The following MAPK8 variants were observed in gnomAD, a reference collection of about 807,000 sequenced individuals.
The protein encoded by MAPK8 is JUN N-terminal kinase.
A neutral mutation model predicts 52.9 loss-of-function variants in MAPK8; 13 were observed. The ratio of observed to expected loss-of-function variants is 0.25; its 90% CI spans 0.16 to 0.39. MAPK8 has a LOEUF of 0.39. MAPK8 is among the 10% of genes least tolerant of loss of function. The pLI, the probability that MAPK8 is intolerant of heterozygous loss-of-function variation, is 1.00. For synonymous variants in MAPK8, 191 were observed against 169.8 expected, an observed-to-expected ratio of 1.12 and a Z score of -0.97; for missense variants, 300 against 519.2, an observed-to-expected ratio of 0.58 and a Z score of 4.10.
intron 11 of MAPK8, among the ~76,000 whole-genome samples, chr10:48,432,296 T>A (rs1003285090): frequency 6.6e-6 from 1 of 152,226 alleles, no homozygotes; most frequent in Non-Finnish European, 1.5e-5. Flanking sequence ...TTTTAAACTA[T>A]AGCGACATTG....
intron 1 of MAPK8, among the ~76,000 whole-genome samples, chr10:48,394,449 A>C (rs2041788193): frequency 6.6e-6 from 1 of 151,920 alleles, no homozygotes; most frequent in Non-Finnish European, 1.5e-5. Flanking sequence ...TTTGAAAATC[A>C]ATCAGTGTAA....
chr10:48,397,610 A>T (rs926283676), intron 1 of MAPK8, among the ~76,000 whole-genome samples: 1 of 151,826 alleles, frequency 6.6e-6, no homozygotes, highest in East Asian at 1.9e-4. Flanking sequence ...TCTTTTTTTG[A>T]GACAGAGTCT....
At chr10:48,383,928 C>A (rs1371357485) in intron 1 of MAPK8, among the ~76,000 whole-genome samples, 2 of 152,126 alleles carry the variant, frequency 1.3e-5, no homozygotes, top group Non-Finnish European at 2.9e-5. Flanking sequence ...GAGCTGAAAT[C>A]CAAGGAAGAA....
intron 1 of MAPK8, among the ~76,000 whole-genome samples, chr10:48,384,108 C>T (rs1430805796): frequency 6.6e-6 from 1 of 152,122 alleles, no homozygotes; most frequent in Non-Finnish European, 1.5e-5. Context: ...AAAAATTAGC[C>T]AGGTGTGGTA....
At chr10:48,373,667 A>G (rs1183676950) in intron 1 of MAPK8, among the ~76,000 whole-genome samples, 2 of 151,548 alleles carry the variant, frequency 1.3e-5, no homozygotes, top group Non-Finnish European at 2.9e-5. Flanking sequence ...AGGGCATTAC[A>G]TAATGGGAAA....
In MAPK8 at chr10:48,366,378, G is replaced by A. The variant is rs1356356202; in HGVS notation, c.-49-35234G>A. ...TACTACCACTTACAACTGGTGAGCT[G>A]TTCTAATAACAGGGAAAAATAGGAA... On this transcript the variant is annotated intron_variant, in intron 1 of 11. Coordinates refer to ENST00000374189, the MANE Select transcript of MAPK8 (RefSeq NM_001323329.2). 9.2e-5 allele frequency among the ~76,000 whole-genome samples: 14 copies of A among 152,254 alleles called. No homozygotes were observed. The East Asian group carries it at 2.1e-3, about 23-fold the overall frequency.
At chr10:48,390,385 G>C (rs2041555532) in intron 1 of MAPK8, among the ~76,000 whole-genome samples, 1 of 152,180 alleles carries the variant, frequency 6.6e-6, no homozygotes, top group Non-Finnish European at 1.5e-5. Context: ...AACTGTCATA[G>C]ATAGGTCTAT....
At chr10:48,319,017 G>T (rs1842750204) in intron 1 of MAPK8, among the ~76,000 whole-genome samples, 1 of 152,184 alleles carries the variant, frequency 6.6e-6, no homozygotes, top group African/African-American at 2.4e-5. Context: ...CATAAGCAGG[G>T]ATGTGAGGTA....
intron 1 of MAPK8, among the ~76,000 whole-genome samples, chr10:48,332,720 TCTG>T (rs1844275952): frequency 6.6e-6 from 1 of 152,210 alleles, no homozygotes; most frequent in African/African-American, 2.4e-5. Flanking sequence ...TATGGCTACC[TCTG>T]CTGGAAGCAA....
rs183931419 is a variant in MAPK8 at position 48,331,164 on chromosome 10, T to C, written c.-50+24343T>C. On this transcript the variant is annotated intron_variant, in intron 1 of 11. Coordinates refer to ENST00000374189, the MANE Select transcript of MAPK8 (RefSeq NM_001323329.2). ...CCAGCTGGGTGGGGCAGGATGATGC[T>C]CTACTGTAACCTGTATCTGGTTCAG... Among the ~76,000 whole-genome samples, 26 of 152,268 alleles carry C rather than the reference T, an allele frequency of 1.7e-4. 1 individual carries two copies. In the East Asian group the frequency reaches 3.1e-3, roughly 18 times the overall value.
At chr10:48,361,600 A>G (rs1589069341) in intron 1 of MAPK8, among the ~76,000 whole-genome samples, 1 of 152,336 alleles carries the variant, frequency 6.6e-6, no homozygotes, top group East Asian at 1.9e-4. Flanking sequence ...ACTTTAAAGC[A>G]AATAAAGTTT....
chr10:48,416,846 A>ATCT (rs2133152151), intron 5 of MAPK8, among the ~76,000 whole-genome samples: 1 of 152,280 alleles, frequency 6.6e-6, no homozygotes, highest in Non-Finnish European at 1.5e-5. Flanking sequence ...TGGGAGAGTC[A>ATCT]TCTTTTTGCT....
chr10:48,390,311 C>T (rs1333110965), intron 1 of MAPK8, among the ~76,000 whole-genome samples: 1 of 152,094 alleles, frequency 6.6e-6, no homozygotes, highest in Admixed American at 6.5e-5. Flanking sequence ...ACAGAAACAC[C>T]CAGAATAATG....
chr10:48,408,109 C>A (rs2042564940), intron 3 of MAPK8, among the ~76,000 whole-genome samples: 2 of 152,150 alleles, frequency 1.3e-5, no homozygotes, highest in African/African-American at 2.4e-5. Flanking sequence ...CAATTCTGCC[C>A]TTATAAAGTT....
At position 48,366,765 on chromosome 10, in the gene MAPK8, G is replaced by A. The variant is rs576378333; in HGVS notation, c.-49-34847G>A. ...GGAGCTCATTAGTTTGGAAAACACT[G>A]CCATATAGGGTTGAAAAATTTTTTT... On this transcript the variant is annotated intron_variant, in intron 1 of 11. Transcript: ENST00000374189. Among the ~76,000 whole-genome samples, 24 of 152,072 alleles carry A rather than the reference G, an allele frequency of 1.6e-4. 1 individual carries two copies. In the South Asian group the frequency reaches 4.4e-3, roughly 28 times the overall value.
chr10:48,351,403 G>T (rs946362424), intron 1 of MAPK8, among the ~76,000 whole-genome samples: 1 of 150,344 alleles, frequency 6.7e-6, no homozygotes, highest in Middle Eastern at 3.3e-3. Context: ...GCCTCCTGAG[G>T]TCTCGCTATG....
intron 1 of MAPK8, among the ~76,000 whole-genome samples, chr10:48,314,708 G>A (rs1278253450): frequency 6.6e-6 from 1 of 152,116 alleles, no homozygotes; most frequent in Non-Finnish European, 1.5e-5. Flanking sequence ...TCTTTTAAGG[G>A]CTGTTTGTGT....
chr10:48,432,838 T>C (rs1395894189), intron 11 of MAPK8, among the ~76,000 whole-genome samples: 1 of 152,210 alleles, frequency 6.6e-6, no homozygotes, highest in Non-Finnish European at 1.5e-5. Context: ...TTCTAGACTT[T>C]TTCTGGATCC....
Position 48,381,822 on chromosome 10 carries a change from A to G in MAPK8, c.-49-19790A>G, listed in dbSNP as rs1017255262. On this transcript the variant is annotated intron_variant, in intron 1 of 11. Coordinates refer to ENST00000374189, the MANE Select transcript of MAPK8 (RefSeq NM_001323329.2). ...CTTTATTAAACCTAACATGACTTCA[A>G]AACTTTAAACTACTGAAAAGAATTT... Among the ~76,000 whole-genome samples, 9 of 152,334 alleles carry G rather than the reference A, an allele frequency of 5.9e-5. No individual in the cohort carries two copies. The East Asian group carries it at 1.7e-3, about 29-fold the overall frequency.
Sources: allele counts gnomAD v4.1 joint callset (sites outside exome capture counted in the v4.1 genomes callset), GRCh38; gene constraint gnomAD v4.1.1; transcripts MANE v1.5; gene names NCBI Gene and HGNC (gene_info 2026-07-23, HGNC 2026-07-21).